Variants in TNC observed in about 807,000 individuals in gnomAD.
The protein encoded by TNC is tenascin C.
A neutral mutation model predicts 202.4 loss-of-function variants in TNC; 109 were observed. The ratio of observed to expected loss-of-function variants is 0.54; its 90% confidence interval spans 0.46 to 0.63. TNC has a LOEUF of 0.63. Among genes scored for constraint, TNC ranks in the 30% least tolerant of loss-of-function variants. The pLI is 0.00. For missense variants in TNC, 2,756 were observed against 2,833.3 expected, an observed-to-expected ratio of 0.97 and a Z score of 0.62; for synonymous variants, 1,007 against 1,089.7, an observed-to-expected ratio of 0.92 and a Z score of 1.50.
At chr9:115,034,959 C>T (rs745932457) in intron 22 of TNC, among the ~76,000 whole-genome samples, 1 of 152,146 alleles carries the variant, frequency 6.6e-6, no homozygotes, top group Non-Finnish European at 1.5e-5. Flanking sequence ...CTAAAATGTC[C>T]TCAAGTCTTG....
Position 115,036,183 on chromosome 9 carries a change from G to T in TNC, c.5571C>A (p.Leu1857=). Residue 1857 remains leucine (L), a synonymous_variant, in exon 21 of 28, where the codon CTC becomes CTA. Coordinates refer to ENST00000350763, the MANE Select transcript of TNC (RefSeq NM_002160.4). ...TCAGTGTGTATTCCGTGGCAGGCTCGAGGTCGGTCAGAGCATACTCCACTG... is the reference window on the plus strand; with the variant it reads ...TCAGTGTGTATTCCGTGGCAGGCTCTAGGTCGGTCAGAGCATACTCCACTG... ...GNTVEYALTD[L]EPATEYTLRI... is the part of the protein sequence containing the mutation. 6.2e-7 allele frequency: 1 copy of T among 1,614,162 alleles called. No individual in the cohort carries two copies. The highest frequency in any genetic ancestry group is 8.5e-7 in the Non-Finnish European group (1 of 1,180,014).
At chr9:115,110,443 G>A (rs1836952215) in intron 1 of TNC, among the ~76,000 whole-genome samples, 1 of 147,772 alleles carries the variant, frequency 6.8e-6, no homozygotes, top group African/African-American at 2.7e-5. Flanking sequence ...TGGGAAAGCT[G>A]TTGCAGTGGC....
rs762805180 is a variant in TNC, at chr9:115,021,282, AAAGAGAGAG to A, written c.6496-24_6496-16del. 4.0e-6 allele frequency: 6 copies of A among 1,489,988 alleles called. No individual in the cohort carries two copies. Among genetic ancestry groups the A allele is most frequent in the Non-Finnish European group, 5.5e-6 (6 of 1,082,584 alleles). The allele number at this position is 1,489,988 out of a possible 1,614,324, so 92.3% of individuals were successfully genotyped here. A position where few individuals can be genotyped will look rare whatever the true frequency, so the allele number is the denominator to read the frequency against. On this transcript the variant is annotated splice_polypyrimidine_tract_variant and intron_variant, in intron 27 of 27. Transcript: ENST00000350763. ...CAGTTAACGCCCTGTTAAAAAAAAA[AAAGAGAGAG>A]AGAGAGAGAGAGAGAAGGCCTCCAG... is the stretch of plus-strand genomic sequence containing the variant.
chr9:115,090,444 C>T (rs1449082569), intron 2 of TNC, 118 bp downstream of exon 2: 2 of 765,156 alleles, frequency 2.6e-6, no homozygotes, highest in Non-Finnish European at 4.3e-6. Flanking sequence ...TTGTAATGAA[C>T]ACTCTGGGAA....
In TNC at chr9:115,094,137, C is replaced by T. The variant is rs558537133; in HGVS notation, c.-136-2983G>A. ...GAAAATTAAGGATTAGAGACCTGTA[C>T]ATAAAGTACCCAGCATGGTGTCAAG... On this transcript the variant is annotated intron_variant, in intron 1 of 27. Coordinates refer to ENST00000350763, the MANE Select transcript of TNC (RefSeq NM_002160.4). Among the ~76,000 whole-genome samples the T allele has an allele frequency of 2.0e-5, 3 of 152,270 alleles. No individual in the cohort carries two copies. In the East Asian group the frequency reaches 5.8e-4, roughly 29 times the overall value.
At chr9:115,069,055 G>A (rs565015598) in intron 10 of TNC, among the ~76,000 whole-genome samples, 6 of 152,270 alleles carry the variant, frequency 3.9e-5, no homozygotes, top group East Asian at 3.9e-4. Flanking sequence ...CACCGGCATC[G>A]CCTGACCCAC....
intron 1 of TNC, among the ~76,000 whole-genome samples, chr9:115,096,989 G>C (rs114219410): frequency 6.6e-6 from 1 of 152,186 alleles, no homozygotes; most frequent in Non-Finnish European, 1.5e-5. Context: ...AGAAGCTGGA[G>C]GAGCTTGTCA....
chr9:115,063,910 C>T lies in TNC; in HGVS notation c.3646G>A (p.Gly1216Arg), dbSNP rs1832740255. 2.5e-6 allele frequency: 4 copies of T among 1,613,996 alleles called. No individual in the cohort carries two copies. Among genetic ancestry groups the T allele is most frequent in the South Asian group, 1.1e-5 (1 of 91,084 alleles). Reference sequence around the variant, plus strand: ...CCAGGCAGGTCTGTGGACCTCAGTCCTCCTGGGACGGTGAGGTTCTGGGCT... The same window carrying T: ...CCAGGCAGGTCTGTGGACCTCAGTCTTCCTGGGACGGTGAGGTTCTGGGCT... ...EAAQNLTVPGGLRSTDLPGLK... is the reference protein window; with the variant it reads ...EAAQNLTVPGRLRSTDLPGLK... Residue 1216 changes from glycine to arginine, a missense_variant, in exon 12 of 28, where the codon GGA becomes AGA. This residue lies in a region of TNC where 2,559 missense variants were observed against 2,546.0 expected (regional missense o/e 1.01). Coordinates refer to ENST00000350763, the MANE Select transcript of TNC (RefSeq NM_002160.4).
chr9:115,033,012 T>C (rs1405805692), intron 22 of TNC, among the ~76,000 whole-genome samples: 2 of 152,194 alleles, frequency 1.3e-5, no homozygotes, highest in African/African-American at 4.8e-5. Flanking sequence ...GTTTGGGCAG[T>C]CATGCATCAG....
intron 1 of TNC, among the ~76,000 whole-genome samples, chr9:115,094,237 A>G (rs1835445425): frequency 6.6e-6 from 1 of 152,286 alleles, no homozygotes; most frequent in East Asian, 1.9e-4. Context: ...ACAAGAGTCC[A>G]TGTCAATAGC....
intron 27 of TNC, among the ~76,000 whole-genome samples, chr9:115,023,655 A>T (rs532303909): frequency 6.6e-6 from 1 of 152,282 alleles, no homozygotes; most frequent in African/African-American, 2.4e-5. Context: ...ACCCTGCTTC[A>T]CCTAAATGGC....
chr9:115,112,302 A>G (rs778782879), intron 1 of TNC, among the ~76,000 whole-genome samples: 28 of 152,192 alleles, frequency 1.8e-4, no homozygotes, highest in Non-Finnish European at 3.7e-4. Flanking sequence ...CCTCTTTAAA[A>G]TGAGGTATGC....
rs559113699 is a variant in TNC, at chr9:115,101,730, G to C, written c.-136-10576C>G. The stretch of plus-strand genomic sequence containing the variant: ...AGTAAGGAGCTATTTTTTGTTCCTA[G>C]AGATCTCAGAAACTAGAATATCATA... On this transcript the variant is annotated intron_variant, in intron 1 of 27. Coordinates refer to ENST00000350763, the MANE Select transcript of TNC (RefSeq NM_002160.4). 2.2e-4 allele frequency among the ~76,000 whole-genome samples: 33 copies of C among 152,238 alleles called. 1 individual carries two copies. In the South Asian group the frequency reaches 6.6e-3, roughly 31 times the overall value.
At chr9:115,093,729 A>G (rs987650684) in intron 1 of TNC, among the ~76,000 whole-genome samples, 5 of 152,160 alleles carry the variant, frequency 3.3e-5, no homozygotes, top group Non-Finnish European at 7.3e-5. Context: ...TCCATCTAAA[A>G]AGCCATTATA....
At chr9:115,063,238 G>T (rs770863362) in intron 12 of TNC, 49 bp from the exon 13 acceptor site, 1 of 1,595,244 alleles carries the variant, frequency 6.3e-7, no homozygotes, top group Non-Finnish European at 8.6e-7. Context: ...GCAATTGCAC[G>T]CTGGGATTCA....
At chr9:115,099,616 A>G (rs1424835938) in intron 1 of TNC, among the ~76,000 whole-genome samples, 1 of 152,220 alleles carries the variant, frequency 6.6e-6, no homozygotes, top group East Asian at 1.9e-4. Flanking sequence ...AAATGGTAAC[A>G]CTAATATCAA....
At chr9:115,075,949 T>C in intron 9 of TNC, 83 bp downstream of exon 9, 1 of 1,247,924 alleles carries the variant, frequency 8.0e-7, no homozygotes. Context: ...ACTTTTTCTC[T>C]TTAAATAGGT....
intron 6 of TNC, among the ~76,000 whole-genome samples, chr9:115,078,419 G>GT (rs1411234633): frequency 3.4e-5 from 5 of 148,590 alleles, no homozygotes; most frequent in Non-Finnish European, 6.0e-5. Context: ...TTTTGTTTTT[G>GT]TTTTTTTCAA....
chr9:115,074,294 C>G lies in TNC; in HGVS notation c.2951-428G>C, dbSNP rs192143692. Among the ~76,000 whole-genome samples, 1,033 of 152,256 alleles carry G rather than the reference C, an allele frequency of 6.8e-3. 33 individuals carry two copies. The highest frequency in any genetic ancestry group is 3.7e-3 in the Non-Finnish European group (249 of 68,022). On this transcript the variant is annotated intron_variant, in intron 9 of 27. Transcript: ENST00000350763. The stretch of plus-strand genomic sequence containing the variant: ...AAGTTCTTATGTTGAAACCTAATCC[C>G]CAATGTGAAGACATTTGGATCTAGG...
Sources: gnomAD v4.1 joint callset for allele counts (sites outside exome capture counted in the v4.1 genomes callset) on GRCh38, gnomAD v4.1.1 for gene constraint, gnomAD v4.1.1 regional missense constraint, MANE v1.5 for transcripts, NCBI Gene and HGNC (gene_info 2026-07-23, HGNC 2026-07-21) for gene names.